Variants in RHOA observed in about 807,000 individuals in gnomAD.
RHOA encodes the protein ras homolog family member A, also known as transforming protein RhoA.
Under a neutral mutation model 17.5 loss-of-function variants are expected in RHOA, and 3 were observed. The ratio of observed to expected loss-of-function variants is 0.17; its 90% CI spans 0.08 to 0.44. The LOEUF (loss-of-function observed/expected upper bound fraction) is 0.44. RHOA is among the 20% of genes least tolerant of loss of function. The pLI is 0.99. For synonymous variants in RHOA, 98 were observed against 88.4 expected, an observed-to-expected ratio of 1.11 and a Z score of -0.61; for missense variants, 56 against 242.3, an observed-to-expected ratio of 0.23 and a Z score of 5.10.
At chr3:49,411,048 T>C (rs2048924976) in intron 1 of RHOA, among the ~76,000 whole-genome samples, 1 of 152,194 alleles carries the variant, frequency 6.6e-6, no homozygotes, top group Admixed American at 6.5e-5. Context: ...AAGGTACAGA[T>C]ATTTAGATCA....
chr3:49,384,784 G>T (rs193254611), intron 1 of RHOA, among the ~76,000 whole-genome samples: 4 of 152,048 alleles, frequency 2.6e-5, no homozygotes, highest in Non-Finnish European at 5.9e-5. Context: ...ATCTTGGCTG[G>T]GTGCAGTGGC....
intron 2 of RHOA, among the ~76,000 whole-genome samples, chr3:49,369,814 T>A (rs1488241064): frequency 1.3e-5 from 2 of 151,814 alleles, no homozygotes; most frequent in South Asian, 4.1e-4. Context: ...ACGCCTGTAA[T>A]CCCAGCACTT....
At chr3:49,372,284 C>T (rs186104307) in intron 2 of RHOA, among the ~76,000 whole-genome samples, 4 of 152,304 alleles carry the variant, frequency 2.6e-5, no homozygotes, top group Admixed American at 2.0e-4. Context: ...GCTGAATTAA[C>T]ACCCTCTGTA....
At chr3:49,389,680 G>A (rs573409180) in intron 1 of RHOA, among the ~76,000 whole-genome samples, 2 of 152,018 alleles carry the variant, frequency 1.3e-5, no homozygotes, top group Non-Finnish European at 2.9e-5. Flanking sequence ...GGTGGCTTAC[G>A]CCTGTAATCC....
chr3:49,406,087 C>CCA (rs559315229), intron 1 of RHOA, among the ~76,000 whole-genome samples: 55 of 152,160 alleles, frequency 3.6e-4, no homozygotes, highest in Non-Finnish European at 7.2e-4. Context: ...AAGAAATTTT[C>CCA]CACACACACA....
At chr3:49,368,339 T>G in intron 3 of RHOA, 89 bp downstream of exon 3, 1 of 1,485,912 alleles carries the variant, frequency 6.7e-7, no homozygotes, top group South Asian at 1.2e-5. Context: ...CTGAAGTTCA[T>G]GTCTGCTTTT....
At chr3:49,392,425 G>C (rs1224261360) in intron 1 of RHOA, among the ~76,000 whole-genome samples, 2 of 152,132 alleles carry the variant, frequency 1.3e-5, no homozygotes, top group African/African-American at 2.4e-5. Context: ...CTGGGTGCCA[G>C]AGTGAGTCCC....
chr3:49,369,006 C>CTTTTTTTTTTTT (rs1160140765), intron 2 of RHOA, among the ~76,000 whole-genome samples: 11 of 59,708 alleles, frequency 1.8e-4, no homozygotes, highest in African/African-American at 7.7e-4. Flanking sequence ...CGCGCCTGGC[C>CTTTTTTTTTTTT]TTTTTTTTTT....
intron 1 of RHOA, among the ~76,000 whole-genome samples, chr3:49,389,779 C>T (rs901400917): frequency 2.0e-5 from 3 of 151,530 alleles, no homozygotes; most frequent in Admixed American, 6.6e-5. Context: ...CTACCACACA[C>T]ACAAAAAATT....
chr3:49,383,171 C>T (rs577490399), intron 1 of RHOA, among the ~76,000 whole-genome samples: 2 of 152,188 alleles, frequency 1.3e-5, no homozygotes, highest in East Asian at 1.9e-4. Context: ...TGGTGGCTCA[C>T]GCCTGTAATT....
chr3:49,408,805 T>G (rs1055611848), intron 1 of RHOA, among the ~76,000 whole-genome samples: 2 of 151,950 alleles, frequency 1.3e-5, no homozygotes, highest in African/African-American at 4.8e-5. Context: ...CTTTTTTTTT[T>G]TTTTTGAGAC....
chr3:49,389,904 T>C (rs1248315519), intron 1 of RHOA, among the ~76,000 whole-genome samples: 9 of 125,310 alleles, frequency 7.2e-5, no homozygotes, highest in Non-Finnish European at 1.3e-4. Flanking sequence ...GCCACTGCAC[T>C]CCAGCCTGGG....
intron 1 of RHOA, among the ~76,000 whole-genome samples, chr3:49,398,700 C>T (rs1290400469): frequency 6.6e-6 from 1 of 150,650 alleles, no homozygotes; most frequent in African/African-American, 2.4e-5. Flanking sequence ...ATTAGCTGGT[C>T]GTGGTGGCGG....
At chr3:49,370,924 G>A (rs1450679225) in intron 2 of RHOA, among the ~76,000 whole-genome samples, 1 of 151,940 alleles carries the variant, frequency 6.6e-6, no homozygotes, top group African/African-American at 2.4e-5. Context: ...TTCCACCCCC[G>A]AACTTTTGCC....
intron 2 of RHOA, among the ~76,000 whole-genome samples, chr3:49,372,733 CAAAAAAAAAAAAAA>C (rs11460016): frequency 1.2e-5 from 1 of 83,150 alleles, no homozygotes; most frequent in Non-Finnish European, 2.5e-5. Context: ...GACTCTGTCT[CAAAAAAAAAAAAAA>C]AAAAAAGGAC....
At chr3:49,381,779 C>T (rs888775337) in intron 1 of RHOA, among the ~76,000 whole-genome samples, 1 of 150,882 alleles carries the variant, frequency 6.6e-6, no homozygotes, top group African/African-American at 2.4e-5. Context: ...GCAGGAGAAT[C>T]ACTTGAACCC....
chr3:49,368,869 G>A (rs1210243980), intron 2 of RHOA, among the ~76,000 whole-genome samples: 9 of 151,046 alleles, frequency 6.0e-5, no homozygotes, highest in South Asian at 4.2e-4. Flanking sequence ...CATCACACCC[G>A]GCTAATTTTT....
At position 49,368,435 on chromosome 3, in the gene RHOA, A is replaced by G; in HGVS notation, c.270T>C (p.Asp90=). Residue 90 remains aspartate, a synonymous_variant, in exon 3 of 5, where the codon GAT becomes GAC. Transcript: ENST00000418115. ...ILMCFSIDSP[D]SLENIPEKWT... ...GGGTGCAGGGCCACTCACCTAAACT[A>G]TCAGGGCTGTCGATGGAAAAACACA... 1 of 1,613,852 alleles carries G rather than the reference A, an allele frequency of 6.2e-7. No individual in the cohort carries two copies. The highest frequency in any genetic ancestry group is 8.5e-7 in the Non-Finnish European group (1 of 1,179,840).
chr3:49,382,898 T>C (rs769723646), intron 1 of RHOA, among the ~76,000 whole-genome samples: 4 of 149,814 alleles, frequency 2.7e-5, no homozygotes, highest in Non-Finnish European at 5.9e-5. Flanking sequence ...CCACTAAAAA[T>C]ACAAAAATTA....
Sources: allele counts gnomAD v4.1 joint callset (sites outside exome capture counted in the v4.1 genomes callset), GRCh38; gene constraint gnomAD v4.1.1; transcripts MANE v1.5; gene names NCBI Gene and HGNC (gene_info 2026-07-23, HGNC 2026-07-21).